Variants in LTBP2 observed in about 807,000 individuals in gnomAD.
The protein encoded by LTBP2 is latent transforming growth factor beta binding protein 2.
Under a neutral mutation model 210.6 loss-of-function variants are expected in LTBP2, and 103 were observed. The ratio of observed to expected loss-of-function variants is 0.49; its 90% CI spans 0.42 to 0.58. The LOEUF (loss-of-function observed/expected upper bound fraction) is 0.58. Ranked by LOEUF, LTBP2 falls within the 20% of genes least tolerant of loss-of-function variation. The pLI, the probability that LTBP2 is intolerant of heterozygous loss-of-function variation, is 0.00. For synonymous variants in LTBP2, 1,007 were observed against 1,015.0 expected (o/e 0.99, Z 0.15); for missense variants, 2,313 against 2,494.5 (o/e 0.93, Z 1.55).
At position 74,586,510 on chromosome 14, in the gene LTBP2, G is replaced by C. The variant is rs1235076853; in HGVS notation, c.566-392C>G. ...AACTTTGACTAGGGATTGCCACAGAGTAGATTCTCAGTAAACATGGAGCGA... is the reference window on the plus strand; with the variant it reads ...AACTTTGACTAGGGATTGCCACAGACTAGATTCTCAGTAAACATGGAGCGA... On this transcript the variant is annotated intron_variant, in intron 2 of 35. Transcript: ENST00000261978. This position sits in a 1 kb window ranked among gnomAD's most constrained non-coding sequence, Gnocchi z 4.6. Among the ~76,000 whole-genome samples the C allele has an allele frequency of 2.0e-5, 3 of 152,214 alleles. No homozygotes were observed. Among genetic ancestry groups the C allele is most frequent in the African/African-American group, 7.2e-5 (3 of 41,462 alleles).
chr14:74,544,821 C>A (rs2087557542), intron 8 of LTBP2, among the ~76,000 whole-genome samples: 1 of 152,132 alleles, frequency 6.6e-6, no homozygotes, highest in Non-Finnish European at 1.5e-5. Flanking sequence ...TAGGCACAAC[C>A]CATTTTATTG....
chr14:74,506,322 G>T, intron 27 of LTBP2, 131 bp from the exon 28 acceptor site: 4 of 1,231,862 alleles, frequency 3.2e-6, no homozygotes, highest in South Asian at 2.5e-5. Flanking sequence ...GTATAGATTT[G>T]TAGGGAGGAG....
At chr14:74,563,571 GT>G (rs2087824673) in intron 3 of LTBP2, among the ~76,000 whole-genome samples, 1 of 152,124 alleles carries the variant, frequency 6.6e-6, no homozygotes, top group Non-Finnish European at 1.5e-5. Context: ...ACCACTGACT[GT>G]TTTTGTACAG....
At chr14:74,502,552 C>T (rs1469351850) in intron 34 of LTBP2, 101 bp downstream of exon 34, 1 of 1,545,524 alleles carries the variant, frequency 6.5e-7, no homozygotes, top group South Asian at 1.1e-5. Flanking sequence ...CTTTCCCCTT[C>T]CCAGTCCTCA....
chr14:74,510,568 C>G (rs940087007), intron 19 of LTBP2, among the ~76,000 whole-genome samples: 1 of 152,230 alleles, frequency 6.6e-6, no homozygotes, highest in African/African-American at 2.4e-5. Flanking sequence ...CCTACATGAC[C>G]TCCTACCGGC....
chr14:74,505,177 G>A lies in LTBP2; in HGVS notation c.4178-3C>T, dbSNP rs756947887. 1.2e-6 allele frequency: 2 copies of A among 1,612,158 alleles called. No individual in the cohort carries two copies. The highest frequency in any genetic ancestry group is 1.7e-6 in the Non-Finnish European group (2 of 1,180,000). ...TGGGGCCTCAGACATACTCTGACCTGTGCGTGACAGATGCTCATTACTGTC... is the reference window on the plus strand; with the variant it reads ...TGGGGCCTCAGACATACTCTGACCTATGCGTGACAGATGCTCATTACTGTC... On this transcript the variant is annotated splice_region_variant and splice_polypyrimidine_tract_variant and intron_variant, in intron 28 of 35. Coordinates refer to ENST00000261978, the MANE Select transcript of LTBP2 (RefSeq NM_000428.3).
chr14:74,573,093 G>T (rs1297430668), intron 3 of LTBP2, among the ~76,000 whole-genome samples: 2 of 152,224 alleles, frequency 1.3e-5, no homozygotes, highest in Non-Finnish European at 2.9e-5. Context: ...TTTCTGAAAA[G>T]ACGCTGGATA....
rs1292888414 is a variant in LTBP2, at chr14:74,586,461, C to T, written c.566-343G>A. Among the ~76,000 whole-genome samples, 1 of 152,178 alleles carries T rather than the reference C, an allele frequency of 6.6e-6. No homozygotes were observed. Among genetic ancestry groups the T allele is most frequent in the East Asian group, 1.9e-4 (1 of 5,192 alleles). On this transcript the variant is annotated intron_variant, in intron 2 of 35. Coordinates refer to ENST00000261978, the MANE Select transcript of LTBP2 (RefSeq NM_000428.3). The surrounding 1 kb of genome is among the most constrained non-coding windows in gnomAD (Gnocchi z 4.6). The stretch of plus-strand genomic sequence containing the variant: ...TTCACTCCCACCAGACTGGAAGCCC[C>T]CTGAGGACAGACAGCGGCCCCGGAA...
intron 1 of LTBP2, among the ~76,000 whole-genome samples, chr14:74,609,602 A>G (rs1201752886): frequency 6.6e-6 from 1 of 152,066 alleles, no homozygotes; most frequent in African/African-American, 2.4e-5. Flanking sequence ...GCAGTGCTAC[A>G]TCTGCACACC....
At chr14:74,521,820 G>T in intron 17 of LTBP2, 91 bp downstream of exon 17, 2 of 1,541,154 alleles carry the variant, frequency 1.3e-6, no homozygotes, top group African/African-American at 1.4e-5. Flanking sequence ...CCATTCTGCG[G>T]CACGGTGTTT....
chr14:74,505,888 C>T (rs1008672139), intron 28 of LTBP2, among the ~76,000 whole-genome samples, 160 bp downstream of exon 28: 2 of 152,156 alleles, frequency 1.3e-5, no homozygotes, highest in African/African-American at 2.4e-5. Flanking sequence ...TCAGCCTCCT[C>T]ACCCCTCCAT....
intron 3 of LTBP2, among the ~76,000 whole-genome samples, chr14:74,567,924 G>A (rs893719084): frequency 6.6e-6 from 1 of 152,102 alleles, no homozygotes; most frequent in Non-Finnish European, 1.5e-5. Flanking sequence ...GTCAGCACAC[G>A]GTGAACCTGG....
chr14:74,574,702 G>A (rs1003719316), intron 3 of LTBP2, among the ~76,000 whole-genome samples: 2 of 152,190 alleles, frequency 1.3e-5, no homozygotes, highest in Non-Finnish European at 2.9e-5. Flanking sequence ...TGGACCTGGG[G>A]CAGGGCTGGG....
intron 24 of LTBP2, 27 bp from the exon 25 acceptor site, chr14:74,508,122 C>T: frequency 1.2e-6 from 2 of 1,613,096 alleles, no homozygotes; most frequent in Non-Finnish European, 1.7e-6. Flanking sequence ...TGTCAGCAGA[C>T]CCAGCCACGG....
intron 1 of LTBP2, among the ~76,000 whole-genome samples, chr14:74,604,411 A>C (rs2088495635): frequency 6.6e-6 from 1 of 152,150 alleles, no homozygotes; most frequent in Non-Finnish European, 1.5e-5. Context: ...AGGTGCTTAC[A>C]AGGTGGCAAG....
At chr14:74,557,709 G>A (rs1371042118) in intron 3 of LTBP2, among the ~76,000 whole-genome samples, 1 of 151,588 alleles carries the variant, frequency 6.6e-6, no homozygotes, top group Non-Finnish European at 1.5e-5. Flanking sequence ...TTGTCACAAT[G>A]TCTATGAACC....
chr14:74,591,145 C>G (rs2088278429), intron 2 of LTBP2, among the ~76,000 whole-genome samples: 1 of 152,172 alleles, frequency 6.6e-6, no homozygotes, highest in Non-Finnish European at 1.5e-5. Flanking sequence ...GTAGTGAGCA[C>G]CTTATCTTGA....
intron 3 of LTBP2, among the ~76,000 whole-genome samples, chr14:74,557,577 C>T (rs921569632): frequency 6.6e-6 from 1 of 152,188 alleles, no homozygotes; most frequent in Admixed American, 6.5e-5. Context: ...TGAAAATCCT[C>T]CGCTCATGTC....
intron 15 of LTBP2, 58 bp downstream of exon 15, chr14:74,525,066 G>A: frequency 9.8e-7 from 1 of 1,022,992 alleles, no homozygotes; most frequent in Non-Finnish European, 1.3e-6. Context: ...GTTGGCTCTG[G>A]ACAGACACAG....
Sources: allele counts gnomAD v4.1 joint callset (sites outside exome capture counted in the v4.1 genomes callset), GRCh38; gene constraint gnomAD v4.1.1; non-coding constraint Gnocchi (gnomAD v3.1); transcripts MANE v1.5; gene names NCBI Gene and HGNC (gene_info 2026-07-23, HGNC 2026-07-21).